CLDN5: variants seen among roughly 807,000 people sequenced by gnomAD.
CLDN5 encodes the protein claudin 5, also known as claudin-5.
A neutral mutation model predicts 1.3 loss-of-function variants in CLDN5; 4 were observed. The ratio of observed to expected loss-of-function variants is 3.07; its 90% confidence interval spans 1.51 to 7.03. CLDN5 has a LOEUF of 7.03. Among genes scored for constraint, CLDN5 ranks in the 30% most tolerant of loss-of-function variants. The probability of loss-of-function intolerance (pLI) is 0.00; values close to 1 mark genes in which losing one functional copy is unlikely to be tolerated. For synonymous variants in CLDN5, 156 were observed against 152.3 expected (o/e 1.02, Z -0.18); for missense variants, 225 against 303.5 (o/e 0.74, Z 1.92).
In CLDN5 at chr22:19,523,241, C is replaced by G. The variant is rs556878269; in HGVS notation, c.*358G>C. 3.6e-5 allele frequency: 9 copies of G among 248,734 alleles called. No individual in the cohort carries two copies. Among genetic ancestry groups the G allele is most frequent in the Non-Finnish European group, 6.1e-5 (8 of 132,070 alleles). The allele number at this position is 248,734 out of a possible 1,614,324, so 15.4% of individuals were successfully genotyped here. A position where few individuals can be genotyped will look rare whatever the true frequency, so the allele number is the denominator to read the frequency against. On this transcript the variant is annotated 3_prime_UTR_variant, in exon 1 of 1. Transcript: ENST00000618236. ...GGCCCTGGGCTCTGCATCCGCCCCT[C>G]CGAAGTCAGCAGGAGCCTCTGGGAA...
Position 19,523,360 on chromosome 22 carries a change from GA to G in CLDN5, c.*238del. On this transcript the variant is annotated 3_prime_UTR_variant, in exon 1 of 1. Transcript: ENST00000618236. ...GCCTATGGAAACAGCGCCGCGCACA[GA>G]AAAGGAAACTTCATTCCGTCTGTTA... 1 of 544,710 alleles carries G rather than the reference GA, an allele frequency of 1.8e-6. No individual in the cohort carries two copies. Among genetic ancestry groups the G allele is most frequent in the Non-Finnish European group, 3.1e-6 (1 of 320,654 alleles). 33.7% of individuals were successfully genotyped at this position (544,710 alleles called of 1,614,324 possible).
rs972667233 is a variant in CLDN5, at chr22:19,523,629, G to A, written c.627C>T (p.Thr209=). ...CGTAGTTCTTCTTGTCGTAGTCGCC[G>A]GTGGCCGTGGGCCGCCGCGGCGCTG... ...KYSAPRRPTA[T]GDYDKKNYV is the part of the protein sequence containing the mutation. Residue 209 remains threonine (T), a synonymous_variant, in exon 1 of 1, where the codon ACC becomes ACT. Coordinates refer to ENST00000618236, the MANE Select transcript of CLDN5 (RefSeq NM_001363066.2). 8 of 1,598,698 alleles carry A rather than the reference G, an allele frequency of 5.0e-6. No homozygotes were observed. Among genetic ancestry groups the A allele is most frequent in the Non-Finnish European group, 6.8e-6 (8 of 1,175,122 alleles).
upstream of CLDN5, chr22:19,524,948 C>T: frequency 9.8e-7 from 1 of 1,021,006 alleles, no homozygotes; most frequent in Non-Finnish European, 1.2e-6. Context: ...TCCAGCCCCG[C>T]TCTGAGTCCC....
chr22:19,524,513 T>A, upstream of CLDN5: 1 of 1,411,408 alleles, frequency 7.1e-7, no homozygotes. Context: ...CGGGTCATCG[T>A]GCCGCAGCCA....
At position 19,524,348 on chromosome 22, in the gene CLDN5, C is replaced by G. The variant is rs1003246157; in HGVS notation, c.-93G>C. ...GCGGGCCCTGGTGCCTTTGCGCCCG[C>G]GCTCCCGGCTCTTGGCCCCAGTCCG... On this transcript the variant is annotated 5_prime_UTR_variant, in exon 1 of 1. Coordinates refer to ENST00000618236, the MANE Select transcript of CLDN5 (RefSeq NM_001363066.2). 1.3e-6 allele frequency: 2 copies of G among 1,483,688 alleles called. No homozygotes were observed. The highest frequency in any genetic ancestry group is 2.4e-5 in the Admixed American group (1 of 41,484). 91.9% of individuals were successfully genotyped at this position (1,483,688 alleles called of 1,614,324 possible).
chr22:19,524,768 C>T, upstream of CLDN5: 1 of 1,243,906 alleles, frequency 8.0e-7, no homozygotes, highest in South Asian at 4.1e-5. Flanking sequence ...CTCCCACATC[C>T]CCGACTGAGC....
At position 19,524,270 on chromosome 22, in the gene CLDN5, C is replaced by G; in HGVS notation, c.-15G>C. On this transcript the variant is annotated 5_prime_UTR_variant, in exon 1 of 1. Coordinates refer to ENST00000618236, the MANE Select transcript of CLDN5 (RefSeq NM_001363066.2). ...GCGGACCCCATGGCTAGAGGCGAGACGCGCACCCGAAGGCCCGCAGAACCC... is the reference window on the plus strand; with the variant it reads ...GCGGACCCCATGGCTAGAGGCGAGAGGCGCACCCGAAGGCCCGCAGAACCC... 39 of 1,557,710 alleles carry G rather than the reference C, an allele frequency of 2.5e-5. No individual in the cohort carries two copies. The highest frequency in any genetic ancestry group is 3.1e-5 in the Non-Finnish European group (36 of 1,152,050).
rs879930785 is a variant in CLDN5 at position 19,523,923 on chromosome 22, G to T, written c.333C>A (p.Gly111=). Residue 111 remains glycine (G), a synonymous_variant, in exon 1 of 1, where the codon GGC becomes GGA. Transcript: ENST00000618236. Reference sequence around the variant, plus strand: ...TGAGGGCCACACGCGCCTTGGCCGGGCCCGGGGCCACGCAGGTGGTGCACT... The same window carrying T: ...TGAGGGCCACACGCGCCTTGGCCGGTCCCGGGGCCACGCAGGTGGTGCACT... ...GAQCTTCVAP[G]PAKARVALTG... 6.3e-7 allele frequency: 1 copy of T among 1,598,430 alleles called. No individual in the cohort carries two copies. The highest frequency in any genetic ancestry group is 1.1e-5 in the South Asian group (1 of 90,150).
chr22:19,524,587 C>T (rs1056490706), upstream of CLDN5: 80 of 1,336,836 alleles, frequency 6.0e-5, no homozygotes, highest in Non-Finnish European at 7.3e-5. Flanking sequence ...GCTGAGGGCG[C>T]GGGACCGCTC....
upstream of CLDN5, chr22:19,524,600 C>T: frequency 1.5e-6 from 2 of 1,331,744 alleles, no homozygotes; most frequent in Admixed American, 3.9e-5. Context: ...GACCGCTCCC[C>T]GCCCGGCAGC....
At position 19,523,482 on chromosome 22, in the gene CLDN5, G is replaced by C. The variant is rs950138200; in HGVS notation, c.*117C>G. ...GTCGGGGCGCAGAGCCGGACGTTCCGAGGAGCCTGCGCGCCGCGCTACCCG... is the reference window on the plus strand; with the variant it reads ...GTCGGGGCGCAGAGCCGGACGTTCCCAGGAGCCTGCGCGCCGCGCTACCCG... On this transcript the variant is annotated 3_prime_UTR_variant, in exon 1 of 1. Coordinates refer to ENST00000618236, the MANE Select transcript of CLDN5 (RefSeq NM_001363066.2). 2 of 1,388,442 alleles carry C rather than the reference G, an allele frequency of 1.4e-6. No individual in the cohort carries two copies. Among genetic ancestry groups the C allele is most frequent in the African/African-American group, 3.0e-5 (2 of 66,780 alleles). The allele number at this position is 1,388,442 out of a possible 1,614,324, so 86.0% of individuals were successfully genotyped here. A position where few individuals can be genotyped will look rare whatever the true frequency, so the allele number is the denominator to read the frequency against.
At chr22:19,524,897 G>T (rs914610055), upstream of CLDN5, 45 of 1,067,298 alleles carry the variant, frequency 4.2e-5, no homozygotes, top group Non-Finnish European at 5.1e-5. Context: ...GCCCGCCCCG[G>T]GGTCCAAGCC....
upstream of CLDN5, chr22:19,524,931 C>T (rs1934198496): frequency 9.7e-7 from 1 of 1,034,166 alleles, no homozygotes; most frequent in Admixed American, 5.8e-5. Flanking sequence ...TTCTCGCACT[C>T]TCACTCTCCA....
chr22:19,524,771 G>A, upstream of CLDN5: 2 of 1,242,456 alleles, frequency 1.6e-6, no homozygotes, highest in Non-Finnish European at 1.0e-6. Context: ...CCACATCCCC[G>A]ACTGAGCCGG....
upstream of CLDN5, chr22:19,524,449 G>A (rs1224770472): frequency 7.9e-5 from 114 of 1,439,700 alleles, no homozygotes; most frequent in Non-Finnish European, 1.0e-4. Flanking sequence ...AGGTTCGGGG[G>A]CGGATTCTGT....
upstream of CLDN5, chr22:19,524,568 T>C: frequency 1.5e-6 from 2 of 1,369,716 alleles, no homozygotes; most frequent in Non-Finnish European, 1.9e-6. Context: ...CAACGGCTCT[T>C]GAGGGGTAGC....
At position 19,523,496 on chromosome 22, in the gene CLDN5, C is replaced by T; in HGVS notation, c.*103G>A. ...CCGGACGTTCCGAGGAGCCTGCGCG[C>T]CGCGCTACCCGGCGGAAGCCGCGGT... On this transcript the variant is annotated 3_prime_UTR_variant, in exon 1 of 1. Transcript: ENST00000618236. 7.0e-7 allele frequency: 1 copy of T among 1,437,408 alleles called. No individual in the cohort carries two copies. Among genetic ancestry groups the T allele is most frequent in the Non-Finnish European group, 9.1e-7 (1 of 1,097,436 alleles). The allele number at this position is 1,437,408 out of a possible 1,614,324, so 89.0% of individuals were successfully genotyped here. A position where few individuals can be genotyped will look rare whatever the true frequency, so the allele number is the denominator to read the frequency against.
chr22:19,525,184 T>C, upstream of CLDN5: 1 of 1,000,540 alleles, frequency 1.0e-6, no homozygotes. Flanking sequence ...CTGCTCCTCT[T>C]CCTGCGGTAC....
Position 19,523,476 on chromosome 22 carries a change from C to A in CLDN5, c.*123G>T. ...AGCCGCGTCGGGGCGCAGAGCCGGA[C>A]GTTCCGAGGAGCCTGCGCGCCGCGC... On this transcript the variant is annotated 3_prime_UTR_variant, in exon 1 of 1. Transcript: ENST00000618236. 9 of 1,343,584 alleles carry A rather than the reference C, an allele frequency of 6.7e-6. 1 individual carries two copies. In the South Asian group the frequency reaches 1.2e-4, roughly 18 times the overall value. The allele number at this position is 1,343,584 out of a possible 1,614,324, so 83.2% of individuals were successfully genotyped here. A position where few individuals can be genotyped will look rare whatever the true frequency, so the allele number is the denominator to read the frequency against.
Sources: allele counts gnomAD v4.1 joint callset, GRCh38; gene constraint gnomAD v4.1.1; transcripts MANE v1.5; gene names NCBI Gene and HGNC (gene_info 2026-07-23, HGNC 2026-07-21).